The following PRKN variants were observed in gnomAD, a reference collection of about 807,000 sequenced individuals.
The protein encoded by PRKN is E3 ubiquitin-protein ligase parkin.
In PRKN, 56 loss-of-function variants were observed where a neutral mutation model predicts 59.5. The ratio of observed to expected loss-of-function variants is 0.94; its 90% CI spans 0.76 to 1.18. The LOEUF (loss-of-function observed/expected upper bound fraction) is 1.18, where lower values mean the gene tolerates loss of function less well. Among genes scored for constraint, PRKN ranks in the 50% most tolerant of loss-of-function variants. The probability of loss-of-function intolerance (pLI) is 0.00; values close to 1 mark genes in which losing one functional copy is unlikely to be tolerated. For missense variants in PRKN, 657 were observed against 596.4 expected (o/e 1.10, Z -1.06); for synonymous variants, 250 against 222.1 (o/e 1.13, Z -1.12).
Position 161,467,221 on chromosome 6 carries a change from C to T in PRKN, c.1084-80344G>A, listed in dbSNP as rs577398515. 3.9e-5 allele frequency among the ~76,000 whole-genome samples: 6 copies of T among 152,316 alleles called. No individual in the cohort carries two copies. Among genetic ancestry groups the T allele is most frequent in the Admixed American group, 2.0e-4 (3 of 15,298 alleles). On this transcript the variant is annotated intron_variant, in intron 9 of 11. Coordinates refer to ENST00000366898, the MANE Select transcript of PRKN (RefSeq NM_004562.3). The surrounding 1 kb of genome is among the most constrained non-coding windows in gnomAD (Gnocchi z 4.3). ...TTTTGAGAGAGACTTCTTCCATCTA[C>T]ACCCTTCTGTCTTAAGTATAATTCA... is the stretch of plus-strand genomic sequence containing the variant.
At chr6:162,585,811 C>A (rs1278325200) in intron 1 of PRKN, among the ~76,000 whole-genome samples, 1 of 152,084 alleles carries the variant, frequency 6.6e-6, no homozygotes, top group African/African-American at 2.4e-5. Context: ...GAAGCCATCT[C>A]CTGCCTCAGC....
chr6:161,793,730 G>C (rs1583172064), intron 6 of PRKN, among the ~76,000 whole-genome samples: 2 of 152,176 alleles, frequency 1.3e-5, no homozygotes, highest in African/African-American at 4.8e-5. Flanking sequence ...TCATGGCTCA[G>C]TGCATCCAGT....
chr6:162,620,264 T>A (rs903489426), intron 1 of PRKN, among the ~76,000 whole-genome samples: 16 of 152,166 alleles, frequency 1.1e-4, no homozygotes, highest in African/African-American at 3.9e-4. Flanking sequence ...TAAGTCAACA[T>A]CTTTTTCAGT....
chr6:162,207,011 A>G (rs985239862), intron 3 of PRKN, among the ~76,000 whole-genome samples: 1 of 152,210 alleles, frequency 6.6e-6, no homozygotes, highest in Non-Finnish European at 1.5e-5. Flanking sequence ...GTGGTTCCAC[A>G]TGAAATTCAT....
chr6:161,450,233 C>T (rs958166775), intron 9 of PRKN, among the ~76,000 whole-genome samples: 4 of 152,270 alleles, frequency 2.6e-5, no homozygotes, highest in East Asian at 1.9e-4. Context: ...CTGGCAAAGA[C>T]GCTGAGCCTT....
intron 1 of PRKN, among the ~76,000 whole-genome samples, chr6:162,639,940 G>T (rs1777897200): frequency 6.6e-6 from 1 of 152,058 alleles, no homozygotes; most frequent in African/African-American, 2.4e-5. Flanking sequence ...TCTCAGATTT[G>T]ATTTTTATTA....
intron 1 of PRKN, among the ~76,000 whole-genome samples, chr6:162,454,711 CT>C (rs1426202382): frequency 6.6e-6 from 1 of 152,212 alleles, no homozygotes; most frequent in Non-Finnish European, 1.5e-5. Context: ...ACATTTATGG[CT>C]GTTTCATGAT....
intron 6 of PRKN, among the ~76,000 whole-genome samples, chr6:161,898,572 T>C (rs889320637): frequency 6.6e-5 from 10 of 152,212 alleles, no homozygotes; most frequent in Admixed American, 4.6e-4. Context: ...AAGTGGGTCA[T>C]GCAGATGATT....
chr6:162,028,395 G>A (rs1448720203), intron 5 of PRKN, among the ~76,000 whole-genome samples: 1 of 152,166 alleles, frequency 6.6e-6, no homozygotes, highest in Non-Finnish European at 1.5e-5. Flanking sequence ...CTCTGAAACG[G>A]AGAGGTTTGG....
intron 1 of PRKN, among the ~76,000 whole-genome samples, chr6:162,515,734 T>C (rs1192343778): frequency 2.0e-5 from 3 of 152,160 alleles, no homozygotes; most frequent in Non-Finnish European, 4.4e-5. Flanking sequence ...TCTCTAATTA[T>C]GTCTAAATGT....
At chr6:162,171,090 T>C (rs113461533) in intron 4 of PRKN, among the ~76,000 whole-genome samples, 1,598 of 152,126 alleles carry the variant, frequency 0.011, 26 homozygotes, top group African/African-American at 0.037. Context: ...ACCACTGGGA[T>C]ACTGCGGTTG....
chr6:162,337,963 A>G (rs1249978965), intron 2 of PRKN, among the ~76,000 whole-genome samples: 1 of 152,196 alleles, frequency 6.6e-6, no homozygotes, highest in African/African-American at 2.4e-5. Context: ...TCATTATAAC[A>G]TATTATAAAT....
chr6:162,212,777 C>T (rs1785262436), intron 3 of PRKN, among the ~76,000 whole-genome samples: 1 of 152,170 alleles, frequency 6.6e-6, no homozygotes, highest in African/African-American at 2.4e-5. Flanking sequence ...TATGGTACAG[C>T]CTATTGCTCC....
chr6:161,482,875 T>C (rs568519868), intron 9 of PRKN, among the ~76,000 whole-genome samples: 25 of 152,370 alleles, frequency 1.6e-4, no homozygotes, highest in South Asian at 6.2e-4. Flanking sequence ...ACTTACAATA[T>C]GACTTTCATA....
At chr6:161,350,919 T>C (rs544356524) in intron 11 of PRKN, among the ~76,000 whole-genome samples, 1 of 93,020 alleles carries the variant, frequency 1.1e-5, no homozygotes, top group South Asian at 3.7e-4. Flanking sequence ...TTTATATATT[T>C]ATATTTAAAA....
intron 1 of PRKN, among the ~76,000 whole-genome samples, chr6:162,681,666 G>A (rs1158852892): frequency 6.6e-6 from 1 of 152,084 alleles, no homozygotes; most frequent in Non-Finnish European, 1.5e-5. Context: ...GCCTCTGATT[G>A]ATTGCATAAA....
chr6:161,493,004 C>A (rs1256391463), intron 9 of PRKN, among the ~76,000 whole-genome samples: 4 of 152,260 alleles, frequency 2.6e-5, no homozygotes, highest in Admixed American at 6.5e-5. Flanking sequence ...AAAATGTATT[C>A]ATGCATATAT....
At chr6:162,205,738 A>G (rs1784908601) in intron 3 of PRKN, among the ~76,000 whole-genome samples, 1 of 134,078 alleles carries the variant, frequency 7.5e-6, no homozygotes, top group Non-Finnish European at 1.7e-5. Flanking sequence ...ATTAATATAT[A>G]CACACACAGA....
chr6:161,781,505 CAATT>C (rs1297024761), intron 7 of PRKN, among the ~76,000 whole-genome samples: 1 of 152,092 alleles, frequency 6.6e-6, no homozygotes, highest in Non-Finnish European at 1.5e-5. Context: ...GTTTAAAACA[CAATT>C]AATATTTAGT....
Sources: gnomAD v4.1 joint callset for allele counts (sites outside exome capture counted in the v4.1 genomes callset) on GRCh38, gnomAD v4.1.1 for gene constraint, Gnocchi (gnomAD v3.1) non-coding constraint, MANE v1.5 for transcripts, NCBI Gene and HGNC (gene_info 2026-07-23, HGNC 2026-07-21) for gene names.